PDE1A: variants seen among roughly 807,000 people sequenced by gnomAD.
The protein encoded by PDE1A is dual specificity calcium/calmodulin-dependent 3',5'-cyclic nucleotide phosphodiesterase 1A.
PDE1A carries 35 observed loss-of-function variants against 61.7 expected under a neutral mutation model. The ratio of observed to expected loss-of-function variants is 0.57; its 90% CI spans 0.43 to 0.75. The LOEUF is 0.75. PDE1A is among the 30% of genes least tolerant of loss of function. The probability of loss-of-function intolerance (pLI) is 0.00; values close to 1 mark genes in which losing one functional copy is unlikely to be tolerated. For missense variants in PDE1A, 597 were observed against 630.6 expected (o/e 0.95, Z 0.57); for synonymous variants, 232 against 213.2 (o/e 1.09, Z -0.77).
the PDE1A span, among the ~76,000 whole-genome samples, chr2:182,582,447 A>G: frequency 6.6e-6 from 1 of 152,248 alleles, no homozygotes; most frequent in African/African-American, 2.4e-5. Flanking sequence ...TAAAAAATAA[A>G]ACAGTATAAC....
chr2:182,323,589 G>C (rs1233361163), intron 1 of PDE1A, among the ~76,000 whole-genome samples: 1 of 152,158 alleles, frequency 6.6e-6, no homozygotes, highest in Non-Finnish European at 1.5e-5. Flanking sequence ...GGAGGCAGGG[G>C]AAATTCTTTG....
chr2:182,484,047 A>G (rs1687862268), intron 2 of PDE1A, among the ~76,000 whole-genome samples: 1 of 151,938 alleles, frequency 6.6e-6, no homozygotes. Context: ...CTAAATCACT[A>G]CAAAAGACTC....
chr2:182,545,331 TCC>T, the PDE1A span, among the ~76,000 whole-genome samples: 1 of 152,158 alleles, frequency 6.6e-6, no homozygotes, highest in Non-Finnish European at 1.5e-5. Context: ...CCCCATGGGC[TCC>T]AGTGACACAC....
In PDE1A at chr2:182,321,402, C is replaced by G. The variant is rs959871349; in HGVS notation, c.54-56988G>C. Reference sequence around the variant, plus strand: ...TTAGAACAAGTCTGATGATTAGTTACAAATCAACATGTAGCTATGAAAAAT... The same window carrying G: ...TTAGAACAAGTCTGATGATTAGTTAGAAATCAACATGTAGCTATGAAAAAT... On this transcript the variant is annotated intron_variant, in intron 1 of 13. Transcript: ENST00000351439. Among the ~76,000 whole-genome samples, 5 of 152,304 alleles carry G rather than the reference C, an allele frequency of 3.3e-5. No individual in the cohort carries two copies. The East Asian group carries it at 7.7e-4, about 23-fold the overall frequency.
the PDE1A span, among the ~76,000 whole-genome samples, chr2:182,706,903 G>C: frequency 5.3e-5 from 8 of 152,182 alleles, no homozygotes; most frequent in Non-Finnish European, 8.8e-5. Flanking sequence ...AAACCCAAAA[G>C]TAAAACTGGC....
intron 2 of PDE1A, among the ~76,000 whole-genome samples, chr2:182,516,561 G>A (rs1384261011): frequency 6.6e-6 from 1 of 151,874 alleles, no homozygotes; most frequent in African/African-American, 2.4e-5. Context: ...GCTGAGGTGG[G>A]AGGATCACCT....
chr2:182,663,392 T>C, the PDE1A span, among the ~76,000 whole-genome samples: 1 of 152,332 alleles, frequency 6.6e-6, no homozygotes, highest in Admixed American at 6.5e-5. Context: ...ATTGCAGCAC[T>C]ATTAATAATA....
the PDE1A span, among the ~76,000 whole-genome samples, chr2:182,576,606 G>A: frequency 6.6e-6 from 1 of 152,170 alleles, no homozygotes; most frequent in East Asian, 1.9e-4. Context: ...TGGATTATAT[G>A]GTACTTCTAA....
At chr2:182,426,614 G>A (rs1348108162) in exon 1 of PDE1A, 12 of 1,612,250 alleles carry the variant, frequency 7.4e-6, no homozygotes, top group Non-Finnish European at 9.3e-6. Flanking sequence ...CTTCCTGATT[G>A]TGACATGGTC....
At chr2:182,232,357 A>G (rs1689652350) in intron 4 of PDE1A, among the ~76,000 whole-genome samples, 1 of 152,222 alleles carries the variant, frequency 6.6e-6, no homozygotes, top group South Asian at 2.1e-4. Context: ...TTGAACAGTA[A>G]GTGGGCAACC....
chr2:182,622,759 T>C, the PDE1A span, among the ~76,000 whole-genome samples: 1 of 152,040 alleles, frequency 6.6e-6, no homozygotes, highest in East Asian at 1.9e-4. Flanking sequence ...CCCCAGAAAT[T>C]AGGGACTCTG....
chr2:182,674,518 C>T, the PDE1A span, among the ~76,000 whole-genome samples: 1 of 151,932 alleles, frequency 6.6e-6, no homozygotes, highest in African/African-American at 2.4e-5. Flanking sequence ...GAATGCAGGG[C>T]CTAGGACAAA....
At chr2:182,528,335 T>G in the PDE1A span, among the ~76,000 whole-genome samples, 2 of 152,142 alleles carry the variant, frequency 1.3e-5, no homozygotes, top group Non-Finnish European at 2.9e-5. Context: ...TGGTGGCACT[T>G]TGCCCCTGCC....
At chr2:182,190,208 G>A (rs1685573046) in intron 10 of PDE1A, among the ~76,000 whole-genome samples, 1 of 152,264 alleles carries the variant, frequency 6.6e-6, no homozygotes, top group Admixed American at 6.5e-5. Context: ...TCTAGATATG[G>A]CCATCAAAGA....
exon 14 of PDE1A, chr2:182,147,148 T>C (rs747918661): frequency 3.8e-6 from 6 of 1,583,868 alleles, no homozygotes; most frequent in African/African-American, 1.4e-5. Flanking sequence ...GAAGATCAGA[T>C]TCACCTAAAA....
chr2:182,714,568 CT>C, the PDE1A span, among the ~76,000 whole-genome samples: 1,766 of 149,846 alleles, frequency 0.012, 18 homozygotes, highest in Non-Finnish European at 0.02. Flanking sequence ...CCATCTCTTA[CT>C]TTTTTTTTTC....
At chr2:182,615,106 T>C in the PDE1A span, among the ~76,000 whole-genome samples, 2 of 152,238 alleles carry the variant, frequency 1.3e-5, no homozygotes, top group African/African-American at 4.8e-5. Flanking sequence ...TTTCACCATT[T>C]CCTAAGACTA....
At chr2:182,494,924 AT>A (rs1017001467) in intron 2 of PDE1A, among the ~76,000 whole-genome samples, 1 of 151,972 alleles carries the variant, frequency 6.6e-6, no homozygotes, top group African/African-American at 2.4e-5. Context: ...GAATTCTTGG[AT>A]TTTTTTAGCT....
At chr2:182,700,293 C>A in the PDE1A span, among the ~76,000 whole-genome samples, 5 of 152,240 alleles carry the variant, frequency 3.3e-5, no homozygotes, top group African/African-American at 4.8e-5. Flanking sequence ...ATATGTAGGC[C>A]GGGCGCGGTG....
Sources: allele counts gnomAD v4.1 joint callset (sites outside exome capture counted in the v4.1 genomes callset), GRCh38; gene constraint gnomAD v4.1.1; transcripts MANE v1.5; gene names NCBI Gene and HGNC (gene_info 2026-07-23, HGNC 2026-07-21).